ZNF662: variants seen among roughly 807,000 people sequenced by gnomAD.
The protein encoded by ZNF662 is zinc finger protein 662.
In ZNF662, 14 loss-of-function variants were observed where a neutral mutation model predicts 12.4. That is an observed-to-expected ratio of 1.13 (90% confidence interval 0.75 to 1.77). ZNF662 has a LOEUF of 1.77. Among genes scored for constraint, ZNF662 ranks in the 40% most tolerant of loss-of-function variants. ZNF662 has a pLI of 0.00. For missense variants in ZNF662, 550 were observed against 515.6 expected (o/e 1.07, Z -0.65); for synonymous variants, 184 against 176.4 (o/e 1.04, Z -0.34).
intron 2 of ZNF662, chr3:42,908,578 G>C: frequency 7.2e-7 from 1 of 1,385,676 alleles, no homozygotes; most frequent in Non-Finnish European, 9.4e-7. Context: ...TCCATTTGCT[G>C]ACTCAAACAG....
intron 3 of ZNF662, chr3:42,911,965 A>G (rs1371474550): frequency 6.6e-6 from 1 of 151,930 alleles, no homozygotes; most frequent in African/African-American, 2.4e-5. Context: ...AACTATTTGC[A>G]ATTCCATCCT....
In ZNF662 at chr3:42,913,299, C is replaced by A. The variant is rs747899392; in HGVS notation, c.250C>A (p.Pro84Thr). 3.3e-5 allele frequency: 53 copies of A among 1,611,552 alleles called. 1 individual carries two copies. Among genetic ancestry groups the A allele is most frequent in the Non-Finnish European group, 4.1e-5 (48 of 1,177,914 alleles). ...LQGEGPSLIC[P>T]EGVLKRKKED... ...AGGAGAGGGTCCAAGCCTGATTTGT[C>A]CGGGTAAGTGAGAGGGAAATGAGCA... Residue 84 changes from proline (P) to threonine (T), a missense_variant, in exon 4 of 5, where the codon CCG becomes ACG. Physicochemically the swap from Pro to Thr is conservative, Grantham distance 38. Coordinates refer to ENST00000440367, the MANE Select transcript of ZNF662 (RefSeq NM_207404.4).
Position 42,918,726 on chromosome 3 carries a change from C to T in ZNF662, c.*3372C>T, listed in dbSNP as rs972175166. ...TTTGGGAAAATAGCAGTGAGATCTC[C>T]CTCAGAGGCCTATCTAAGGGTCCCT... On this transcript the variant is annotated 3_prime_UTR_variant, in exon 5 of 5. Coordinates refer to ENST00000440367, the MANE Select transcript of ZNF662 (RefSeq NM_207404.4). Among the ~76,000 whole-genome samples the T allele has an allele frequency of 1.3e-5, 2 of 152,118 alleles. No individual in the cohort carries two copies. The highest frequency in any genetic ancestry group is 1.3e-4 in the Admixed American group (2 of 15,252).
At chr3:42,907,030 T>C (rs1559379526) in intron 1 of ZNF662, among the ~76,000 whole-genome samples, 1 of 152,180 alleles carries the variant, frequency 6.6e-6, no homozygotes, top group Non-Finnish European at 1.5e-5. Flanking sequence ...GATAAATAGC[T>C]GTGGAGACTT....
rs1204228659 is a variant in ZNF662, at chr3:42,916,360, C to CTTTTTTTT, written c.*1022_*1029dup. ...GGAAACAGCAGAGGGTAATCCAGGT[C>CTTTTTTTT]TTTTTTTTTTTTTTTTTTTTTTTAG... On this transcript the variant is annotated 3_prime_UTR_variant, in exon 5 of 5. Coordinates refer to ENST00000440367, the MANE Select transcript of ZNF662 (RefSeq NM_207404.4). The CTTTTTTTT allele has an allele frequency of 1.9e-5, 2 of 104,452 alleles. No homozygotes were observed. Among genetic ancestry groups the CTTTTTTTT allele is most frequent in the African/African-American group, 7.6e-5 (2 of 26,354 alleles). 6.5% of individuals were successfully genotyped at this position (104,452 alleles called of 1,614,324 possible). A position where few individuals can be genotyped will look rare whatever the true frequency, so the allele number is the denominator to read the frequency against.
At chr3:42,914,174 T>C (rs1559382106) in intron 4 of ZNF662, among the ~76,000 whole-genome samples, 153 bp from the exon 5 acceptor site, 1 of 150,058 alleles carries the variant, frequency 6.7e-6, no homozygotes, top group Non-Finnish European at 1.5e-5. Flanking sequence ...TCTTTCTGTG[T>C]ATTAGCCTTG....
chr3:42,913,278 G>C lies in ZNF662; in HGVS notation c.229G>C (p.Glu77Gln). 1 of 1,614,024 alleles carries C rather than the reference G, an allele frequency of 6.2e-7. No individual in the cohort carries two copies. The highest frequency in any genetic ancestry group is 8.5e-7 in the Non-Finnish European group (1 of 1,179,920). Residue 77 changes from glutamate to glutamine, a missense_variant, in exon 4 of 5, where the codon GAG (glutamate) becomes CAG (glutamine). Transcript: ENST00000440367. ...GCCATTAAACCTGAAACTGCAAGGA[G>C]AGGGTCCAAGCCTGATTTGTCCGGG... ...EEPLNLKLQG[E>Q]GPSLICPEGV...
At chr3:42,907,143 C>G (rs1361229676) in intron 1 of ZNF662, among the ~76,000 whole-genome samples, 1 of 152,112 alleles carries the variant, frequency 6.6e-6, no homozygotes, top group Non-Finnish European at 1.5e-5. Context: ...ACGGGAAGTC[C>G]CAACGGCTGG....
At chr3:42,907,730 A>G (rs2088703282) in intron 1 of ZNF662, 1 of 985,346 alleles carries the variant, frequency 1.0e-6, no homozygotes, top group African/African-American at 1.7e-5. Flanking sequence ...GACCTAGAGC[A>G]CAGATGTGGT....
Position 42,915,124 on chromosome 3 carries a change from C to T in ZNF662, c.1051C>T (p.Gln351Ter). The T allele has an allele frequency of 6.2e-7, 1 of 1,614,178 alleles. No homozygotes were observed. The highest frequency in any genetic ancestry group is 8.5e-7 in the Non-Finnish European group (1 of 1,180,030). ...FMWNSDLSQH[Q>*]RVHTGDKPHE... ...GTGGAACTCAGATCTTTCTCAGCAC[C>T]AGAGGGTCCACACTGGGGACAAGCC... Residue 351 changes from glutamine (Q) to a stop codon, truncating the protein, a stop_gained, in exon 5 of 5, where the codon CAG becomes TAG. Transcript: ENST00000440367. LOFTEE classifies it low-confidence loss of function (END_TRUNC).
At chr3:42,912,557 T>TATATA (rs1459023895) in intron 3 of ZNF662, among the ~76,000 whole-genome samples, 2 of 7,758 alleles carry the variant, frequency 2.6e-4, no homozygotes, top group African/African-American at 4.0e-4. Flanking sequence ...TTAATATAAA[T>TATATA]ATATATATAA....
Position 42,915,178 on chromosome 3 carries a change from T to G in ZNF662, c.1105T>G (p.Phe369Val), listed in dbSNP as rs139841182. The G allele has an allele frequency of 1.7e-5, 28 of 1,614,140 alleles. No homozygotes were observed. The African/African-American group carries it at 3.5e-4, about 20-fold the overall frequency. The stretch of plus-strand genomic sequence containing the variant: ...TGAATGTACTGACTGTGGGAAAAGC[T>G]TCTTTTGCAAGGCACATCTTATTCG... Reference protein sequence around the residue: ...PHECTDCGKSFFCKAHLIRHQ... With the variant: ...PHECTDCGKSVFCKAHLIRHQ... Residue 369 changes from phenylalanine to valine, a missense_variant, in exon 5 of 5, where the codon TTC becomes GTC. Coordinates refer to ENST00000440367, the MANE Select transcript of ZNF662 (RefSeq NM_207404.4).
chr3:42,918,804 A>G lies in ZNF662; in HGVS notation c.*3450A>G, dbSNP rs2088921387. 6.6e-6 allele frequency among the ~76,000 whole-genome samples: 1 copy of G among 152,182 alleles called. No homozygotes were observed. Among genetic ancestry groups the G allele is most frequent in the Non-Finnish European group, 1.5e-5 (1 of 68,036 alleles). ...CCAATTGCATGAACATTCAGAGTTC[A>G]ATGGCCTGAAGGTGAGAAGAGACAA... On this transcript the variant is annotated 3_prime_UTR_variant, in exon 5 of 5. Coordinates refer to ENST00000440367, the MANE Select transcript of ZNF662 (RefSeq NM_207404.4).
At chr3:42,907,371 C>G (rs150522718) in intron 1 of ZNF662, among the ~76,000 whole-genome samples, 1 of 152,062 alleles carries the variant, frequency 6.6e-6, no homozygotes, top group Non-Finnish European at 1.5e-5. Context: ...CCTGAATGTT[C>G]TGAGGAGCCC....
intron 3 of ZNF662, among the ~76,000 whole-genome samples, chr3:42,912,720 A>ATTTTTTATATAGATAAATATATATATATT (rs2088841486): frequency 1.5e-5 from 1 of 66,430 alleles, no homozygotes; most frequent in Non-Finnish European, 2.8e-5. Flanking sequence ...ATATATATAT[A>ATTTTTTATATAGATAAATATATATATATT]TTTTTTATAT....
intron 3 of ZNF662, among the ~76,000 whole-genome samples, chr3:42,909,847 G>A (rs1482809171): frequency 1.3e-5 from 2 of 151,692 alleles, no homozygotes; most frequent in African/African-American, 2.4e-5. Context: ...CGGCCAGGCA[G>A]AGGCGCTCTT....
At chr3:42,907,992 C>G in intron 1 of ZNF662, 30 bp from the exon 2 acceptor site, 1 of 1,613,430 alleles carries the variant, frequency 6.2e-7, no homozygotes, top group Non-Finnish European at 8.5e-7. Context: ...CTGGGGTTGT[C>G]CTAGGGCATT....
intron 4 of ZNF662, 32 bp downstream of exon 4, chr3:42,913,334 C>A: frequency 6.6e-7 from 1 of 1,520,430 alleles, no homozygotes; most frequent in Non-Finnish European, 9.1e-7. Flanking sequence ...ATTCTTCTCT[C>A]AGTCACATCT....
chr3:42,908,463 C>T (rs2088715842), intron 2 of ZNF662: 7 of 1,240,254 alleles, frequency 5.6e-6, no homozygotes, highest in Non-Finnish European at 6.1e-6. Flanking sequence ...TTTGCAAGAT[C>T]CAGCCTAATT....
Sources: allele counts gnomAD v4.1 joint callset (sites outside exome capture counted in the v4.1 genomes callset), GRCh38; gene constraint gnomAD v4.1.1; transcripts MANE v1.5; gene names NCBI Gene and HGNC (gene_info 2026-07-23, HGNC 2026-07-21).